Variants in ZNF385D observed in about 807,000 individuals in gnomAD.
The protein encoded by ZNF385D is zinc finger protein 659.
In ZNF385D, 15 loss-of-function variants were observed where a neutral mutation model predicts 35.8. The observed-to-expected ratio is 0.42, with a 90% CI of 0.28 to 0.64. The LOEUF is 0.64. Ranked by LOEUF, ZNF385D falls within the 30% of genes least tolerant of loss-of-function variation. The pLI is 0.23. For synonymous variants in ZNF385D, 212 were observed against 186.8 expected (o/e 1.13, Z -1.10); for missense variants, 474 against 494.6 (o/e 0.96, Z 0.39).
At chr3:22,283,310 A>G (rs953580035) in intron 2 of ZNF385D, among the ~76,000 whole-genome samples, 5 of 152,118 alleles carry the variant, frequency 3.3e-5, no homozygotes, top group Admixed American at 6.6e-5. Flanking sequence ...ATGGACTTAA[A>G]CTAAACCCTA....
At chr3:21,532,239 C>T (rs903661636) in intron 3 of ZNF385D, among the ~76,000 whole-genome samples, 11 of 152,040 alleles carry the variant, frequency 7.2e-5, no homozygotes, top group African/African-American at 1.4e-4. Context: ...GCATTTTGGT[C>T]CTTGGTGAGA....
chr3:21,725,012 C>G (rs116641505), intron 1 of ZNF385D, among the ~76,000 whole-genome samples: 16 of 152,194 alleles, frequency 1.1e-4, no homozygotes, highest in Admixed American at 4.6e-4. Context: ...CAAATTAGTA[C>G]GCAGGATTAA....
chr3:22,103,256 G>C (rs1174803448), intron 3 of ZNF385D, among the ~76,000 whole-genome samples: 1 of 150,184 alleles, frequency 6.7e-6, no homozygotes, highest in East Asian at 2.0e-4. Context: ...CTGATAAACT[G>C]TGAGTTTCTT....
At chr3:22,166,080 C>T (rs996379556) in intron 3 of ZNF385D, among the ~76,000 whole-genome samples, 8 of 152,176 alleles carry the variant, frequency 5.3e-5, no homozygotes, top group Admixed American at 6.5e-5. Flanking sequence ...TGACTTTTCT[C>T]ATCCACATGT....
chr3:22,282,761 T>C (rs527840937), intron 2 of ZNF385D, among the ~76,000 whole-genome samples: 60 of 152,046 alleles, frequency 3.9e-4, no homozygotes, highest in Non-Finnish European at 7.9e-4. Flanking sequence ...ACAGGACCTA[T>C]AAAATTATAA....
intron 3 of ZNF385D, among the ~76,000 whole-genome samples, chr3:21,548,799 T>A (rs911105847): frequency 6.6e-6 from 1 of 152,202 alleles, no homozygotes; most frequent in East Asian, 1.9e-4. Context: ...TCCCCTGATA[T>A]CATACATAAA....
chr3:22,075,082 C>T (rs1009152253), intron 3 of ZNF385D, among the ~76,000 whole-genome samples: 2 of 151,822 alleles, frequency 1.3e-5, no homozygotes, highest in African/African-American at 4.8e-5. Context: ...TTACAAGGCC[C>T]CACTCCAGAG....
intron 2 of ZNF385D, among the ~76,000 whole-genome samples, chr3:22,264,285 A>G (rs1700784311): frequency 6.6e-6 from 1 of 152,024 alleles, no homozygotes; most frequent in Admixed American, 6.6e-5. Context: ...TTTTCCTTGA[A>G]TTAAAGGTCA....
At chr3:22,110,978 T>C (rs1702489140) in intron 3 of ZNF385D, among the ~76,000 whole-genome samples, 2 of 151,906 alleles carry the variant, frequency 1.3e-5, no homozygotes, top group Non-Finnish European at 2.9e-5. Flanking sequence ...CTGAAGACTT[T>C]TGTGCTGTGG....
intron 3 of ZNF385D, among the ~76,000 whole-genome samples, chr3:21,801,876 G>C (rs2072421946): frequency 6.6e-6 from 1 of 152,064 alleles, no homozygotes; most frequent in Non-Finnish European, 1.5e-5. Context: ...CATCTGTTTT[G>C]TATATTCCAG....
intron 3 of ZNF385D, among the ~76,000 whole-genome samples, chr3:21,815,141 C>T (rs1243063445): frequency 2.0e-5 from 3 of 152,110 alleles, no homozygotes; most frequent in African/African-American, 7.2e-5. Context: ...CCAATGAGAA[C>T]AAAGACACAA....
At chr3:21,955,097 T>C (rs1203003612) in intron 3 of ZNF385D, among the ~76,000 whole-genome samples, 1 of 152,138 alleles carries the variant, frequency 6.6e-6, no homozygotes, top group Admixed American at 6.6e-5. Context: ...AAATGGAGCA[T>C]CATTGTGAAA....
At chr3:21,557,814 TATTA>T (rs1185168246) in intron 3 of ZNF385D, among the ~76,000 whole-genome samples, 1 of 152,172 alleles carries the variant, frequency 6.6e-6, no homozygotes, top group Non-Finnish European at 1.5e-5. Flanking sequence ...ATTGGTAGGC[TATTA>T]ATTAACTGCC....
intron 1 of ZNF385D, among the ~76,000 whole-genome samples, chr3:21,721,302 G>C (rs2068531377): frequency 1.3e-5 from 2 of 151,672 alleles, no homozygotes; most frequent in South Asian, 2.1e-4. Context: ...GAGTGGGTGA[G>C]ATAAGAATAT....
At chr3:21,463,893 AG>A (rs1703337961) in intron 4 of ZNF385D, among the ~76,000 whole-genome samples, 1 of 131,670 alleles carries the variant, frequency 7.6e-6, no homozygotes, top group Admixed American at 7.6e-5. Flanking sequence ...GCTTAGCCTC[AG>A]TTTTTTTTTT....
chr3:22,205,917 C>G (rs1697119258), intron 2 of ZNF385D, among the ~76,000 whole-genome samples: 1 of 151,958 alleles, frequency 6.6e-6, no homozygotes, highest in Non-Finnish European at 1.5e-5. Context: ...TAAGTAATAG[C>G]ATTGAATGTA....
intron 2 of ZNF385D, among the ~76,000 whole-genome samples, chr3:21,572,828 A>G (rs1209135947): frequency 2.0e-5 from 3 of 152,150 alleles, no homozygotes; most frequent in African/African-American, 7.2e-5. Flanking sequence ...ATAAAGCTTT[A>G]TATTAGAAGA....
chr3:22,123,581 C>CG (rs1397739465), intron 3 of ZNF385D, among the ~76,000 whole-genome samples: 1 of 152,090 alleles, frequency 6.6e-6, no homozygotes, highest in African/African-American at 2.4e-5. Flanking sequence ...CTGACTGGGC[C>CG]GGGCGCGGTG....
intron 3 of ZNF385D, among the ~76,000 whole-genome samples, chr3:22,109,836 C>A (rs144923266): frequency 1.3e-5 from 2 of 152,140 alleles, no homozygotes; most frequent in African/African-American, 4.8e-5. Flanking sequence ...TCAGAGTGAA[C>A]AGGCAGCGTA....
Sources: allele counts gnomAD v4.1 joint callset (sites outside exome capture counted in the v4.1 genomes callset), GRCh38; gene constraint gnomAD v4.1.1; transcripts MANE v1.5; gene names NCBI Gene and HGNC (gene_info 2026-07-23, HGNC 2026-07-21).